The following POMK variants were observed in gnomAD, a reference collection of about 807,000 sequenced individuals.
POMK encodes the protein Sugen kinase 196.
POMK carries 19 observed loss-of-function variants against 23.0 expected under a neutral mutation model. That is an observed-to-expected ratio of 0.83 (90% CI 0.58 to 1.21). POMK has a LOEUF of 1.21. Among genes scored for constraint, POMK ranks in the 50% most tolerant of loss-of-function variants. The pLI is 0.00. For missense variants in POMK, 410 were observed against 431.3 expected (o/e 0.95, Z 0.44); for synonymous variants, 173 against 171.6 (o/e 1.01, Z -0.06).
intron 1 of POMK, among the ~76,000 whole-genome samples, chr8:43,093,895 A>C (rs1319910473): frequency 6.6e-6 from 1 of 152,218 alleles, no homozygotes; most frequent in Non-Finnish European, 1.5e-5. Context: ...AGCCTGGGCA[A>C]CATGGCGGAA....
At position 43,122,091 on chromosome 8, in the gene POMK, T is replaced by A. The variant is rs770524845; in HGVS notation, c.283-16T>A. ...GTGAGAGTTCAGGCCTGATGCTCTC[T>A]ATGGCTTTGTTGCAGGTCTTTCTGT... On this transcript the variant is annotated splice_polypyrimidine_tract_variant and intron_variant, in intron 4 of 4. Coordinates refer to ENST00000331373, the MANE Select transcript of POMK (RefSeq NM_032237.5). The A allele has an allele frequency of 1.2e-6, 2 of 1,612,020 alleles. No homozygotes were observed. Among genetic ancestry groups the A allele is most frequent in the African/African-American group, 2.7e-5 (2 of 74,930 alleles).
At chr8:43,107,067 C>T (rs1811558668) in intron 4 of POMK, among the ~76,000 whole-genome samples, 2 of 152,120 alleles carry the variant, frequency 1.3e-5, no homozygotes, top group Admixed American at 1.3e-4. Flanking sequence ...AGTTTTAGTA[C>T]AGCATTTAAA....
chr8:43,115,373 T>G (rs983356058), intron 4 of POMK, among the ~76,000 whole-genome samples: 4 of 152,218 alleles, frequency 2.6e-5, no homozygotes, highest in Admixed American at 2.6e-4. Context: ...ACCTGGGGTT[T>G]CTGAGAGGCT....
At chr8:43,115,153 T>C (rs1811770754) in intron 4 of POMK, among the ~76,000 whole-genome samples, 1 of 152,250 alleles carries the variant, frequency 6.6e-6, no homozygotes, top group South Asian at 2.1e-4. Flanking sequence ...TGGAAAGATG[T>C]TACATGAACA....
At chr8:43,116,106 C>G (rs989588152) in intron 4 of POMK, among the ~76,000 whole-genome samples, 5 of 152,254 alleles carry the variant, frequency 3.3e-5, no homozygotes, top group African/African-American at 9.6e-5. Flanking sequence ...GCGCATTTCT[C>G]TTTCCAATAT....
intron 4 of POMK, among the ~76,000 whole-genome samples, chr8:43,110,381 G>A (rs938271351): frequency 6.6e-6 from 1 of 152,202 alleles, no homozygotes; most frequent in African/African-American, 2.4e-5. Context: ...GCCTTACCTA[G>A]CTATAAAGCA....
At chr8:43,108,321 AC>A (rs571928722) in intron 4 of POMK, among the ~76,000 whole-genome samples, 111 of 152,332 alleles carry the variant, frequency 7.3e-4, no homozygotes, top group Non-Finnish European at 1.4e-3. Flanking sequence ...TTCTAGTCAA[AC>A]CCTTGGTAAA....
chr8:43,094,439 T>G (rs1443549927), intron 1 of POMK, among the ~76,000 whole-genome samples: 5 of 152,196 alleles, frequency 3.3e-5, no homozygotes, highest in African/African-American at 1.2e-4. Flanking sequence ...GCTCTTTGCC[T>G]TTGGGTGTTT....
chr8:43,119,687 T>C (rs1167340824), intron 4 of POMK, among the ~76,000 whole-genome samples: 1 of 152,076 alleles, frequency 6.6e-6, no homozygotes, highest in Non-Finnish European at 1.5e-5. Context: ...TTGCCTCGGC[T>C]CCCAAAGTGC....
At chr8:43,111,290 G>A (rs749168545) in intron 4 of POMK, among the ~76,000 whole-genome samples, 2 of 152,172 alleles carry the variant, frequency 1.3e-5, no homozygotes, top group African/African-American at 4.8e-5. Flanking sequence ...CACCTGGCTC[G>A]GAGGGTCCTA....
chr8:43,100,857 G>A (rs1474300484), intron 2 of POMK, among the ~76,000 whole-genome samples: 1 of 152,018 alleles, frequency 6.6e-6, no homozygotes, highest in Non-Finnish European at 1.5e-5. Flanking sequence ...GTTGGTGTGA[G>A]GTGCACGTGT....
intron 1 of POMK, among the ~76,000 whole-genome samples, chr8:43,096,804 CTGAGTTTTG>C (rs1811344602): frequency 6.6e-6 from 1 of 152,200 alleles, no homozygotes; most frequent in Non-Finnish European, 1.5e-5. Context: ...AAATAGTGAA[CTGAGTTTTG>C]TGCATCTGCA....
intron 4 of POMK, among the ~76,000 whole-genome samples, chr8:43,114,167 A>G (rs1375267455): frequency 1.3e-5 from 2 of 152,260 alleles, no homozygotes; most frequent in African/African-American, 4.8e-5. Flanking sequence ...TTAAGTCTGC[A>G]GAGGTTACTG....
intron 4 of POMK, among the ~76,000 whole-genome samples, chr8:43,116,969 A>T (rs549829537): frequency 2.1e-4 from 32 of 150,372 alleles, no homozygotes; most frequent in African/African-American, 7.9e-4. Flanking sequence ...ATTACAGTCA[A>T]GGGGGGTTTG....
chr8:43,100,772 C>A (rs1811423534), intron 2 of POMK, among the ~76,000 whole-genome samples: 1 of 151,780 alleles, frequency 6.6e-6, no homozygotes, highest in Non-Finnish European at 1.5e-5. Context: ...GATTGTGGAT[C>A]TCTGTGAGGT....
At chr8:43,118,185 C>A (rs1811839604) in intron 4 of POMK, among the ~76,000 whole-genome samples, 1 of 152,036 alleles carries the variant, frequency 6.6e-6, no homozygotes, top group African/African-American at 2.4e-5. Context: ...TGGAAATACA[C>A]AAGTGTAGGT....
In POMK at chr8:43,123,173, C is replaced by T. The variant is rs1016674589; in HGVS notation, c.*296C>T. ...CCAGGTTCAAGCAATTCTCCCACCT[C>T]AGCCTCCTGAGTAGCTGGGATTACA... On this transcript the variant is annotated 3_prime_UTR_variant, in exon 5 of 5. Coordinates refer to ENST00000331373, the MANE Select transcript of POMK (RefSeq NM_032237.5). 12 of 259,690 alleles carry T rather than the reference C, an allele frequency of 4.6e-5. No homozygotes were observed. Among genetic ancestry groups the T allele is most frequent in the African/African-American group, 2.3e-4 (10 of 44,278 alleles). 16.1% of individuals were successfully genotyped at this position (259,690 alleles called of 1,614,324 possible). A position where few individuals can be genotyped will look rare whatever the true frequency, so the allele number is the denominator to read the frequency against.
chr8:43,101,177 A>G (rs984433903), intron 2 of POMK, among the ~76,000 whole-genome samples: 1 of 151,986 alleles, frequency 6.6e-6, no homozygotes, highest in Non-Finnish European at 1.5e-5. Context: ...AATCCCAGCA[A>G]TTTGGGAGGC....
chr8:43,104,873 A>G (rs992647768), intron 4 of POMK, among the ~76,000 whole-genome samples: 15 of 152,250 alleles, frequency 9.9e-5, no homozygotes, highest in African/African-American at 2.6e-4. Flanking sequence ...TTGAGGCTAC[A>G]GTAAGCCATG....
Sources: gnomAD v4.1 joint callset for allele counts (sites outside exome capture counted in the v4.1 genomes callset) on GRCh38, gnomAD v4.1.1 for gene constraint, MANE v1.5 for transcripts, NCBI Gene and HGNC (gene_info 2026-07-23, HGNC 2026-07-21) for gene names.